Variants in MYO3B observed in about 807,000 individuals in gnomAD.
The protein encoded by MYO3B is myosin-IIIb.
Under a neutral mutation model 174.6 loss-of-function variants are expected in MYO3B, and 156 were observed. The ratio of observed to expected loss-of-function variants is 0.89; its 90% CI spans 0.78 to 1.02. The LOEUF (loss-of-function observed/expected upper bound fraction) is 1.02, where lower values mean the gene tolerates loss of function less well. Ranked by LOEUF, MYO3B falls within the 50% of genes least tolerant of loss-of-function variation. The pLI, the probability that MYO3B is intolerant of heterozygous loss-of-function variation, is 0.00. For synonymous variants in MYO3B, 563 were observed against 569.1 expected (o/e 0.99, Z 0.15); for missense variants, 1,632 against 1,639.4 (o/e 1.00, Z 0.08).
At chr2:170,422,911 CA>C (rs1172501575) in intron 22 of MYO3B, among the ~76,000 whole-genome samples, 1 of 149,732 alleles carries the variant, frequency 6.7e-6, no homozygotes, top group African/African-American at 2.4e-5. Flanking sequence ...ACTAAGTCTT[CA>C]AAATCTGATG....
chr2:170,440,633 A>G (rs1018184281), intron 22 of MYO3B, among the ~76,000 whole-genome samples: 5 of 151,120 alleles, frequency 3.3e-5, no homozygotes, highest in Non-Finnish European at 5.9e-5. Context: ...CGTGCCTCTA[A>G]TCCCAGCTAC....
At chr2:170,523,384 C>T (rs1011508014) in intron 30 of MYO3B, among the ~76,000 whole-genome samples, 1 of 151,888 alleles carries the variant, frequency 6.6e-6, no homozygotes, top group Non-Finnish European at 1.5e-5. Flanking sequence ...TTCTGTTGTC[C>T]CCCTTATGTT....
At chr2:170,252,485 C>T (rs531824421) in intron 7 of MYO3B, among the ~76,000 whole-genome samples, 43 of 152,234 alleles carry the variant, frequency 2.8e-4, no homozygotes, top group African/African-American at 9.9e-4. Context: ...TACACATGGA[C>T]TATAAGTTGA....
intron 7 of MYO3B, among the ~76,000 whole-genome samples, chr2:170,324,583 C>A (rs1428497767): frequency 1.3e-5 from 2 of 152,168 alleles, no homozygotes. Flanking sequence ...GGTTTTTTGT[C>A]TTTTTTTAAA....
intron 30 of MYO3B, among the ~76,000 whole-genome samples, chr2:170,534,595 G>A (rs987834725): frequency 2.2e-4 from 34 of 152,020 alleles, no homozygotes; most frequent in East Asian, 1.2e-3. Context: ...ACAGATGTGC[G>A]CCACCACGCC....
intron 7 of MYO3B, among the ~76,000 whole-genome samples, chr2:170,286,570 A>G (rs759122319): frequency 1.1e-4 from 16 of 152,046 alleles, no homozygotes; most frequent in Middle Eastern, 3.4e-3. Context: ...TAATTTTTTT[A>G]TATAAAATTT....
chr2:170,593,134 G>C (rs988330618), intron 32 of MYO3B, among the ~76,000 whole-genome samples: 1 of 152,120 alleles, frequency 6.6e-6, no homozygotes, highest in African/African-American at 2.4e-5. Context: ...GTCTTGCTCT[G>C]TTGCCCAGGG....
At chr2:170,435,619 A>G (rs1321893189) in intron 22 of MYO3B, among the ~76,000 whole-genome samples, 1 of 152,208 alleles carries the variant, frequency 6.6e-6, no homozygotes. Context: ...TAATCTTGTA[A>G]CAGATGAACT....
rs771866095 is a variant in MYO3B, at chr2:170,386,259, C to T, written c.1361C>T (p.Thr454Ile). The change falls in exon 13 of 35, where the codon ACT (threonine) becomes ATT (isoleucine). Residue 454 changes from threonine to isoleucine, a missense_variant. Physicochemically the swap from Thr to Ile is moderately conservative, Grantham distance 89. Transcript: ENST00000408978. ...ESAHLIVQHL[T>I]FLGKANNQTL... is the part of the protein sequence containing the mutation. ...GCCCACCTGATTGTTCAGCATTTGA[C>T]TTTCTTGGGAAAGGTATTGACTAAT... 1.2e-6 allele frequency: 2 copies of T among 1,613,280 alleles called. No individual in the cohort carries two copies. The highest frequency in any genetic ancestry group is 1.7e-6 in the Non-Finnish European group (2 of 1,179,446).
At chr2:170,239,182 C>G (rs2093104435) in intron 7 of MYO3B, among the ~76,000 whole-genome samples, 1 of 152,202 alleles carries the variant, frequency 6.6e-6, no homozygotes, top group African/African-American at 2.4e-5. Flanking sequence ...TCAACTGTCT[C>G]TCATGACTCT....
chr2:170,473,208 T>A (rs1685094062), intron 25 of MYO3B, among the ~76,000 whole-genome samples: 1 of 146,468 alleles, frequency 6.8e-6, no homozygotes, highest in Admixed American at 7.0e-5. Flanking sequence ...AGTGGGGTGA[T>A]CTCGGCTTAC....
chr2:170,651,976 T>A, intron 33 of MYO3B, 132 bp from the exon 34 acceptor site: 1 of 897,518 alleles, frequency 1.1e-6, no homozygotes, highest in East Asian at 2.7e-5. Context: ...TTGAGCCCTT[T>A]GATCAAAAAA....
intron 32 of MYO3B, among the ~76,000 whole-genome samples, chr2:170,570,989 T>G (rs1350313817): frequency 3.3e-5 from 5 of 152,222 alleles, no homozygotes; most frequent in Admixed American, 2.0e-4. Context: ...ACATCTCTTT[T>G]GCTGAAGTAG....
At chr2:170,338,907 A>T (rs752616289) in intron 8 of MYO3B, among the ~76,000 whole-genome samples, 1 of 152,154 alleles carries the variant, frequency 6.6e-6, no homozygotes, top group Non-Finnish European at 1.5e-5. Flanking sequence ...CCCAGCCCCA[A>T]ATAATATCCT....
intron 1 of MYO3B, among the ~76,000 whole-genome samples, chr2:170,186,668 T>C (rs2092468379): frequency 6.6e-6 from 1 of 152,198 alleles, no homozygotes; most frequent in Admixed American, 6.5e-5. Context: ...CCTCCTCCTC[T>C]ATTTTTCAGA....
chr2:170,569,977 C>G (rs1312397237), intron 32 of MYO3B, among the ~76,000 whole-genome samples: 1 of 151,854 alleles, frequency 6.6e-6, no homozygotes, highest in Non-Finnish European at 1.5e-5. Flanking sequence ...GGACCTGGCT[C>G]TTTTAAAAAG....
intron 23 of MYO3B, among the ~76,000 whole-genome samples, chr2:170,446,535 A>G (rs2094843891): frequency 6.6e-6 from 1 of 152,338 alleles, no homozygotes; most frequent in South Asian, 2.1e-4. Context: ...GATGAAAATG[A>G]CTAAAGATTT....
intron 16 of MYO3B, among the ~76,000 whole-genome samples, chr2:170,397,910 A>G (rs1189206598): frequency 6.6e-6 from 1 of 152,120 alleles, no homozygotes; most frequent in Non-Finnish European, 1.5e-5. Flanking sequence ...TTTACTTACC[A>G]TTACTGTTTT....
chr2:170,557,499 G>A (rs1691413943), intron 32 of MYO3B, among the ~76,000 whole-genome samples: 1 of 152,100 alleles, frequency 6.6e-6, no homozygotes, highest in African/African-American at 2.4e-5. Flanking sequence ...TCAGTTTGTT[G>A]GTTTAAATTT....
Sources: allele counts gnomAD v4.1 joint callset (sites outside exome capture counted in the v4.1 genomes callset), GRCh38; gene constraint gnomAD v4.1.1; transcripts MANE v1.5; gene names NCBI Gene and HGNC (gene_info 2026-07-23, HGNC 2026-07-21).